The following LPP variants were observed in gnomAD, a reference collection of about 807,000 sequenced individuals.
LPP encodes the protein lipoma-preferred partner.
Under a neutral mutation model 60.4 loss-of-function variants are expected in LPP, and 38 were observed. The ratio of observed to expected loss-of-function variants is 0.63; its 90% CI spans 0.49 to 0.83. LPP has a LOEUF of 0.83. Ranked by LOEUF, LPP falls within the 40% of genes least tolerant of loss-of-function variation. The pLI is 0.00. For synonymous variants in LPP, 328 were observed against 290.8 expected, an observed-to-expected ratio of 1.13 and a Z score of -1.30; for missense variants, 902 against 783.6, an observed-to-expected ratio of 1.15 and a Z score of -1.80.
intron 6 of LPP, chr3:188,568,235 A>G (rs1832663115): frequency 1.3e-5 from 2 of 152,026 alleles, no homozygotes; most frequent in Non-Finnish European, 2.9e-5. Context: ...AGCAACTTGT[A>G]GGTTTCAGGC....
chr3:188,846,704 G>A (rs796927507), intron 9 of LPP, among the ~76,000 whole-genome samples: 11 of 129,848 alleles, frequency 8.5e-5, no homozygotes, highest in African/African-American at 3.3e-4. Context: ...AAAAAAAAAA[G>A]AGAGAGAAAA....
intron 8 of LPP, chr3:188,712,548 C>A (rs1203147017): frequency 6.6e-6 from 1 of 152,252 alleles, no homozygotes; most frequent in East Asian, 1.9e-4. Flanking sequence ...ATAAAGTCTT[C>A]TCTTCCTTTC....
At chr3:188,576,545 T>C (rs1834659283) in intron 6 of LPP, among the ~76,000 whole-genome samples, 1 of 152,162 alleles carries the variant, frequency 6.6e-6, no homozygotes, top group African/African-American at 2.4e-5. Context: ...GAGTACAGGA[T>C]TCCTTATTTG....
chr3:188,351,654 C>T (rs898320255), intron 3 of LPP, among the ~76,000 whole-genome samples: 9 of 152,150 alleles, frequency 5.9e-5, no homozygotes, highest in Admixed American at 4.6e-4. Context: ...ATGAGGGAGA[C>T]AGATTGTTTC....
chr3:188,551,247 G>A (rs1579880874), intron 6 of LPP, among the ~76,000 whole-genome samples: 1 of 152,096 alleles, frequency 6.6e-6, no homozygotes, highest in East Asian at 1.9e-4. Flanking sequence ...TGAGGACGAT[G>A]CAAAAGCAGA....
chr3:188,364,598 G>A (rs1578352452), intron 3 of LPP, among the ~76,000 whole-genome samples: 1 of 152,200 alleles, frequency 6.6e-6, no homozygotes, highest in East Asian at 1.9e-4. Context: ...GGAGTTAAAT[G>A]GAGAGAAAAT....
intron 7 of LPP, among the ~76,000 whole-genome samples, chr3:188,692,323 GAAAC>G (rs1458988983): frequency 1.3e-5 from 2 of 152,078 alleles, no homozygotes; most frequent in Non-Finnish European, 2.9e-5. Flanking sequence ...CACAGACAAT[GAAAC>G]AAACAAAAAA....
chr3:188,663,654 T>C (rs146159114), intron 7 of LPP, among the ~76,000 whole-genome samples: 1 of 152,186 alleles, frequency 6.6e-6, no homozygotes, highest in Non-Finnish European at 1.5e-5. Context: ...GTAAGGATTT[T>C]TTCAGGACTG....
chr3:188,851,795 T>C (rs1240414278), intron 9 of LPP, among the ~76,000 whole-genome samples: 3 of 152,218 alleles, frequency 2.0e-5, no homozygotes, highest in Non-Finnish European at 4.4e-5. Flanking sequence ...TCCAAATACC[T>C]ATTTACTCCA....
intron 4 of LPP, among the ~76,000 whole-genome samples, chr3:188,475,328 A>C (rs76896759): frequency 2.4e-3 from 371 of 152,340 alleles, no homozygotes; most frequent in Non-Finnish European, 4.6e-3. Context: ...AGGGACATTA[A>C]ATTTTGGCTT....
At chr3:188,351,385 C>T (rs749639757) in intron 3 of LPP, among the ~76,000 whole-genome samples, 27 of 152,126 alleles carry the variant, frequency 1.8e-4, no homozygotes, top group Non-Finnish European at 3.1e-4. Context: ...TTCTGCAAAT[C>T]GTGCCCACAT....
intron 3 of LPP, among the ~76,000 whole-genome samples, chr3:188,392,416 C>T (rs961031288): frequency 6.6e-6 from 1 of 152,100 alleles, no homozygotes; most frequent in Non-Finnish European, 1.5e-5. Context: ...GCTTGCCTAC[C>T]TTCTATGCTG....
chr3:188,496,748 C>T (rs1223120834), intron 5 of LPP, among the ~76,000 whole-genome samples: 1 of 152,176 alleles, frequency 6.6e-6, no homozygotes, highest in Non-Finnish European at 1.5e-5. Flanking sequence ...TATTTGCTGT[C>T]ACCAGTTCTG....
At chr3:188,711,174 A>G (rs1399176057) in intron 8 of LPP, 8 of 152,232 alleles carry the variant, frequency 5.3e-5, no homozygotes, top group African/African-American at 1.9e-4. Flanking sequence ...AACGTATGTC[A>G]CTGGTAAGTA....
intron 8 of LPP, among the ~76,000 whole-genome samples, chr3:188,737,446 C>G (rs987290141): frequency 1.3e-5 from 2 of 152,162 alleles, no homozygotes; most frequent in Non-Finnish European, 2.9e-5. Flanking sequence ...GTTAGTAGCC[C>G]AGATGAAATT....
intron 2 of LPP, among the ~76,000 whole-genome samples, chr3:188,253,143 A>G (rs1439280580): frequency 6.7e-6 from 1 of 149,662 alleles, no homozygotes; most frequent in Non-Finnish European, 1.5e-5. Context: ...CGGAAATTAG[A>G]TATATTGGCC....
chr3:188,769,496 C>T (rs1415654519), intron 9 of LPP, among the ~76,000 whole-genome samples: 1 of 152,210 alleles, frequency 6.6e-6, no homozygotes, highest in Non-Finnish European at 1.5e-5. Flanking sequence ...CCTAGCTGAA[C>T]ATAACCCTTT....
In LPP at chr3:188,290,097, C is replaced by T. The variant is rs369737503; in HGVS notation, c.-66-51566C>T. 2.1e-3 allele frequency among the ~76,000 whole-genome samples: 312 copies of T among 152,072 alleles called. 4 individuals carry two copies. The highest frequency in any genetic ancestry group is 7.0e-3 in the African/African-American group (291 of 41,476). ...AAGTGATTCTCCTTCCTCAGCCTCC[C>T]GAGTAGCTGGGACTATAGGCGCATG... On this transcript the variant is annotated intron_variant, in intron 2 of 11. Transcript: ENST00000617246.
At chr3:188,678,846 T>C (rs111485164) in intron 7 of LPP, among the ~76,000 whole-genome samples, 3 of 152,286 alleles carry the variant, frequency 2.0e-5, no homozygotes, top group South Asian at 2.1e-4. Flanking sequence ...AAAGCCAGAC[T>C]CAAATGAGTA....
Sources: allele counts gnomAD v4.1 joint callset (sites outside exome capture counted in the v4.1 genomes callset), GRCh38; gene constraint gnomAD v4.1.1; transcripts MANE v1.5; gene names NCBI Gene and HGNC (gene_info 2026-07-23, HGNC 2026-07-21).